PAFAH1B1: variants seen among roughly 807,000 people sequenced by gnomAD.
PAFAH1B1 encodes platelet activating factor acetylhydrolase 1b regulatory subunit 1, also known as platelet-activating factor acetylhydrolase IB subunit beta.
PAFAH1B1 carries 2 observed loss-of-function variants against 57.5 expected under a neutral mutation model. The observed-to-expected ratio is 0.03, with a 90% CI of 0.01 to 0.11. The LOEUF (loss-of-function observed/expected upper bound fraction) is 0.11. PAFAH1B1 is among the 10% of genes least tolerant of loss of function. PAFAH1B1 has a pLI of 1.00. For missense variants in PAFAH1B1, 257 were observed against 512.0 expected, an observed-to-expected ratio of 0.50 and a Z score of 4.81; for synonymous variants, 152 against 169.6, an observed-to-expected ratio of 0.90 and a Z score of 0.81.
intron 1 of PAFAH1B1, among the ~76,000 whole-genome samples, chr17:2,626,593 G>C (rs867742744): frequency 8.8e-5 from 10 of 114,070 alleles, no homozygotes; most frequent in Admixed American, 2.7e-4. Flanking sequence ...TTGTTCTGTC[G>C]CCCAGAGCTG....
chr17:2,596,018 A>C (rs2068080825), intron 1 of PAFAH1B1, among the ~76,000 whole-genome samples: 1 of 152,160 alleles, frequency 6.6e-6, no homozygotes, highest in African/African-American at 2.4e-5. Flanking sequence ...AGGTTATTTG[A>C]TATGAATGGT....
chr17:2,618,531 G>A (rs918548173), intron 1 of PAFAH1B1, among the ~76,000 whole-genome samples: 1 of 152,010 alleles, frequency 6.6e-6, no homozygotes, highest in Admixed American at 6.5e-5. Flanking sequence ...GCTAAAGACT[G>A]GAGTCTTTTT....
intron 2 of PAFAH1B1, among the ~76,000 whole-genome samples, chr17:2,639,010 C>T (rs2068660535): frequency 6.6e-6 from 1 of 152,104 alleles, no homozygotes; most frequent in South Asian, 2.1e-4. Context: ...CGCCATTCTT[C>T]TGCCTCAACC....
intron 8 of PAFAH1B1, 31 bp downstream of exon 8, chr17:2,674,319 T>A (rs932501653): frequency 6.7e-7 from 1 of 1,494,708 alleles, no homozygotes; most frequent in Non-Finnish European, 9.3e-7. Flanking sequence ...TTCATGGTTT[T>A]ATTGCTGATA....
chr17:2,656,083 C>T (rs996854199), intron 2 of PAFAH1B1, among the ~76,000 whole-genome samples: 1 of 151,984 alleles, frequency 6.6e-6, no homozygotes, highest in Non-Finnish European at 1.5e-5. Flanking sequence ...CCACCACGCC[C>T]GGCTAATTTT....
chr17:2,593,590 G>GGGCGGCGGCGGCGGCGGC (rs552674446), upstream of PAFAH1B1, among the ~76,000 whole-genome samples: 970 of 148,770 alleles, frequency 6.5e-3, 4 homozygotes, highest in Non-Finnish European at 9.9e-3. Context: ...GGCGGGTCTG[G>GGGCGGCGGCGGCGGCGGC]GGCGGCGGCG....
chr17:2,638,527 A>C (rs1243240975), intron 2 of PAFAH1B1: 3 of 530,458 alleles, frequency 5.7e-6, no homozygotes, highest in South Asian at 2.6e-5. Flanking sequence ...CTTTCTGAGA[A>C]GGAGTTTTTC....
rs977048721 is a variant in PAFAH1B1, at chr17:2,682,630, T to C, written c.*828T>C. The C allele has an allele frequency of 2.0e-5, 3 of 152,666 alleles. No individual in the cohort carries two copies. The highest frequency in any genetic ancestry group is 7.2e-5 in the African/African-American group (3 of 41,460). 9.5% of individuals were successfully genotyped at this position (152,666 alleles called of 1,614,324 possible). On this transcript the variant is annotated 3_prime_UTR_variant, in exon 11 of 11. Coordinates refer to ENST00000397195, the MANE Select transcript of PAFAH1B1 (RefSeq NM_000430.4). The stretch of plus-strand genomic sequence containing the variant: ...GTAGTGATGTGACTTCCAAGTAGAA[T>C]TTAATCTCCCCATTGAGTGTGTCAT...
Position 2,638,212 on chromosome 17 carries a change from CA to C in PAFAH1B1, c.-76del. On this transcript the variant is annotated 5_prime_UTR_variant, in exon 2 of 11. Coordinates refer to ENST00000397195, the MANE Select transcript of PAFAH1B1 (RefSeq NM_000430.4). ...TAGTGGCATATTTAAATTATAAGTCCACGGATCAAAAAGCTTTTTGATTTCC... is the reference window on the plus strand; with the variant it reads ...TAGTGGCATATTTAAATTATAAGTCCCGGATCAAAAAGCTTTTTGATTTCC... 1 of 1,190,478 alleles carries C rather than the reference CA, an allele frequency of 8.4e-7. No homozygotes were observed. The highest frequency in any genetic ancestry group is 2.8e-4 in the Middle Eastern group (1 of 3,612). 73.7% of individuals were successfully genotyped at this position (1,190,478 alleles called of 1,614,324 possible).
intron 7 of PAFAH1B1, 53 bp from the exon 8 acceptor site, chr17:2,674,007 G>T: frequency 7.9e-7 from 1 of 1,268,778 alleles, no homozygotes; most frequent in Non-Finnish European, 1.1e-6. Context: ...TCACTTCTGG[G>T]AAGTGTCCTG....
At chr17:2,633,911 T>TA (rs2151631340) in intron 1 of PAFAH1B1, among the ~76,000 whole-genome samples, 1 of 152,056 alleles carries the variant, frequency 6.6e-6, no homozygotes, top group South Asian at 2.1e-4. Context: ...TGGGTAATCT[T>TA]ACCATCTGCT....
At chr17:2,668,756 A>G (rs2151662579) in intron 5 of PAFAH1B1, among the ~76,000 whole-genome samples, 1 of 152,166 alleles carries the variant, frequency 6.6e-6, no homozygotes, top group East Asian at 1.9e-4. Flanking sequence ...TGGGTGGATC[A>G]TGAGGTCAGG....
intron 2 of PAFAH1B1, among the ~76,000 whole-genome samples, chr17:2,649,214 CAAA>C (rs566280217): frequency 4.6e-5 from 3 of 65,766 alleles, no homozygotes; most frequent in African/African-American, 1.1e-4. Context: ...AAGACTGTCT[CAAA>C]AAAAAAAAAA....
At chr17:2,604,719 G>T (rs1356396666) in intron 1 of PAFAH1B1, among the ~76,000 whole-genome samples, 1 of 152,114 alleles carries the variant, frequency 6.6e-6, no homozygotes, top group Non-Finnish European at 1.5e-5. Flanking sequence ...ACTGAGGCTG[G>T]AGAATCACTT....
At chr17:2,628,494 A>G (rs2068519489) in intron 1 of PAFAH1B1, among the ~76,000 whole-genome samples, 1 of 151,856 alleles carries the variant, frequency 6.6e-6, no homozygotes. Flanking sequence ...TTTTTTAAGG[A>G]TTTTAGCATC....
At position 2,619,227 on chromosome 17, in the gene PAFAH1B1, A is replaced by G. The variant is rs974890982; in HGVS notation, c.-190-18872A>G. 3.3e-5 allele frequency among the ~76,000 whole-genome samples: 5 copies of G among 152,092 alleles called. No individual in the cohort carries two copies. The East Asian group carries it at 5.8e-4, about 18-fold the overall frequency. On this transcript the variant is annotated intron_variant, in intron 1 of 10. Coordinates refer to ENST00000397195, the MANE Select transcript of PAFAH1B1 (RefSeq NM_000430.4). ...TGTAGCGGCGTAATCACCGCAGCTC[A>G]CTGTAGACTCCAACTCCTGGGCTTA... is the stretch of plus-strand genomic sequence containing the variant.
At chr17:2,615,385 T>G (rs532329835) in intron 1 of PAFAH1B1, among the ~76,000 whole-genome samples, 17 of 152,300 alleles carry the variant, frequency 1.1e-4, no homozygotes, top group African/African-American at 4.1e-4. Flanking sequence ...TTCAGTTTCT[T>G]TAGAACCTTT....
rs572011957 is a variant in PAFAH1B1 at position 2,676,417 on chromosome 17, A to AAT, written c.901-81_901-80dup. ...ACCAAAATGCAACAAAAAAATTGGA[A>AAT]ATATATATCATTATTAGATAGAAGC... is the stretch of plus-strand genomic sequence containing the variant. On this transcript the variant is annotated intron_variant, in intron 8 of 10. Transcript: ENST00000397195. The AAT allele has an allele frequency of 2.8e-4, 239 of 851,370 alleles. 3 individuals are homozygous for AAT. In the African/African-American group the frequency reaches 3.9e-3, roughly 14 times the overall value. The allele number at this position is 851,370 out of a possible 1,614,324, so 52.7% of individuals were successfully genotyped here. A position where few individuals can be genotyped will look rare whatever the true frequency, so the allele number is the denominator to read the frequency against.
chr17:2,611,477 A>T (rs547905093), intron 1 of PAFAH1B1, among the ~76,000 whole-genome samples: 4 of 151,178 alleles, frequency 2.6e-5, no homozygotes, highest in East Asian at 1.9e-4. Flanking sequence ...CGGGGCAAAA[A>T]AAAAAAATAA....
Sources: gnomAD v4.1 joint callset for allele counts (sites outside exome capture counted in the v4.1 genomes callset) on GRCh38, gnomAD v4.1.1 for gene constraint, MANE v1.5 for transcripts, NCBI Gene and HGNC (gene_info 2026-07-23, HGNC 2026-07-21) for gene names.